Variants in ROBO2 observed in about 807,000 individuals in gnomAD.
The protein encoded by ROBO2 is roundabout guidance receptor 2.
ROBO2 carries 53 observed loss-of-function variants against 160.8 expected under a neutral mutation model. The observed-to-expected ratio is 0.33, with a 90% confidence interval of 0.26 to 0.41. ROBO2 has a LOEUF of 0.41. Ranked by LOEUF, ROBO2 falls within the 10% of genes least tolerant of loss-of-function variation. The pLI, the probability that ROBO2 is intolerant of heterozygous loss-of-function variation, is 1.00. For synonymous variants in ROBO2, 664 were observed against 611.7 expected (o/e 1.09, Z -1.26); for missense variants, 1,577 against 1,722.4 (o/e 0.92, Z 1.49).
rs769472335 is a variant in ROBO2, at chr3:77,048,770, T to C, written c.61+7924T>C. ...GTTACATTTGCACAATGAGTAGTTA[T>C]GCATATCAGAAAGGATAGCCTGAAT... On this transcript the variant is annotated intron_variant, in intron 1 of 25. Transcript: ENST00000461745. Among the ~76,000 whole-genome samples the C allele has an allele frequency of 1.6e-3, 237 of 152,356 alleles. 2 individuals are homozygous for C. Among genetic ancestry groups the C allele is most frequent in the Non-Finnish European group, 3.0e-3 (205 of 68,032 alleles).
intron 2 of ROBO2, among the ~76,000 whole-genome samples, chr3:76,807,712 G>A (rs962140665): frequency 6.6e-6 from 1 of 151,996 alleles, no homozygotes; most frequent in Non-Finnish European, 1.5e-5. Flanking sequence ...TATGCATAAT[G>A]TTTTAAAGTC....
chr3:77,634,463 T>G (rs7619707), intron 23 of ROBO2: 12,253 of 182,354 alleles, frequency 0.067, 642 homozygotes, highest in East Asian at 0.2. Flanking sequence ...TGAAATTTTA[T>G]TAAACAAATA....
At chr3:76,430,777 T>A (rs913695413) in intron 2 of ROBO2, among the ~76,000 whole-genome samples, 1 of 152,080 alleles carries the variant, frequency 6.6e-6, no homozygotes, top group Non-Finnish European at 1.5e-5. Context: ...AGATACTGCA[T>A]GCTTAGTAGT....
At chr3:77,441,691 T>C (rs962449803) in intron 2 of ROBO2, among the ~76,000 whole-genome samples, 1 of 152,168 alleles carries the variant, frequency 6.6e-6, no homozygotes, top group Non-Finnish European at 1.5e-5. Flanking sequence ...AGTTAGAAGA[T>C]AAATGTCTTT....
chr3:77,089,010 A>G (rs746997861), intron 1 of ROBO2, among the ~76,000 whole-genome samples: 55 of 152,284 alleles, frequency 3.6e-4, no homozygotes, highest in Non-Finnish European at 6.2e-4. Flanking sequence ...GTAGCAATTT[A>G]CTCTTCCACT....
intron 2 of ROBO2, among the ~76,000 whole-genome samples, chr3:76,978,547 C>T (rs577951180): frequency 1.3e-5 from 2 of 151,940 alleles, no homozygotes; most frequent in Admixed American, 6.6e-5. Context: ...AACTATATTG[C>T]TCAGAAAATC....
chr3:77,646,962 A>T (rs1263682757), exon 26 of ROBO2: 1 of 152,552 alleles, frequency 6.6e-6, no homozygotes, highest in African/African-American at 2.4e-5. Flanking sequence ...ACAGTTTTTT[A>T]AAAACATTTT....
At chr3:76,471,223 G>C (rs544081839) in intron 2 of ROBO2, among the ~76,000 whole-genome samples, 1 of 152,242 alleles carries the variant, frequency 6.6e-6, no homozygotes, top group East Asian at 1.9e-4. Context: ...AGTCATGGCA[G>C]GTAACAGGGC....
intron 2 of ROBO2, among the ~76,000 whole-genome samples, chr3:76,902,161 G>C (rs2075284412): frequency 6.6e-6 from 1 of 151,774 alleles, no homozygotes; most frequent in Non-Finnish European, 1.5e-5. Flanking sequence ...TACAATGGAG[G>C]TACCATAACA....
intron 2 of ROBO2, among the ~76,000 whole-genome samples, chr3:76,426,498 T>TA (rs924285397): frequency 6.6e-6 from 1 of 151,878 alleles, no homozygotes; most frequent in African/African-American, 2.4e-5. Flanking sequence ...CCACTGGGTC[T>TA]AAAAAAAATA....
At chr3:76,816,579 T>C (rs2065684360) in intron 2 of ROBO2, among the ~76,000 whole-genome samples, 1 of 151,994 alleles carries the variant, frequency 6.6e-6, no homozygotes, top group South Asian at 2.1e-4. Flanking sequence ...CAAGTATGTG[T>C]GGCTTGCTCT....
intron 2 of ROBO2, among the ~76,000 whole-genome samples, chr3:77,400,904 T>C (rs1243830654): frequency 6.6e-6 from 1 of 152,184 alleles, no homozygotes; most frequent in East Asian, 1.9e-4. Flanking sequence ...AAATTGATCT[T>C]GTTAATCCTA....
At chr3:76,819,566 G>A (rs1052569711) in intron 2 of ROBO2, among the ~76,000 whole-genome samples, 1 of 152,030 alleles carries the variant, frequency 6.6e-6, no homozygotes, top group African/African-American at 2.4e-5. Flanking sequence ...AAATAGCATG[G>A]TGGTGATCTC....
intron 2 of ROBO2, among the ~76,000 whole-genome samples, chr3:76,322,882 C>A (rs759624769): frequency 6.6e-6 from 1 of 152,066 alleles, no homozygotes; most frequent in Admixed American, 6.6e-5. Context: ...TAGCAGCTCA[C>A]GTTTGCTAAA....
chr3:77,370,151 AG>A (rs1414476581), intron 2 of ROBO2, among the ~76,000 whole-genome samples: 1 of 152,176 alleles, frequency 6.6e-6, no homozygotes, highest in Non-Finnish European at 1.5e-5. Context: ...AGGCACAAAA[AG>A]GGGAACGAAA....
intron 2 of ROBO2, among the ~76,000 whole-genome samples, chr3:76,375,985 A>G (rs959923818): frequency 2.0e-5 from 3 of 152,034 alleles, no homozygotes; most frequent in Admixed American, 6.6e-5. Flanking sequence ...GTTACTTTTC[A>G]TATTGCATTG....
intron 2 of ROBO2, among the ~76,000 whole-genome samples, chr3:77,154,718 C>T (rs1035189014): frequency 6.6e-6 from 1 of 152,010 alleles, no homozygotes; most frequent in Non-Finnish European, 1.5e-5. Context: ...TCTTCTGCAG[C>T]AACATGGATG....
intron 2 of ROBO2, among the ~76,000 whole-genome samples, chr3:76,456,012 T>C (rs1302150691): frequency 2.6e-5 from 4 of 152,182 alleles, no homozygotes; most frequent in African/African-American, 2.4e-5. Flanking sequence ...TTTGTGTTGA[T>C]AATAAGACAA....
At chr3:76,005,079 G>A (rs1046737768) in intron 2 of ROBO2, among the ~76,000 whole-genome samples, 13 of 152,312 alleles carry the variant, frequency 8.5e-5, no homozygotes, top group Admixed American at 7.2e-4. Flanking sequence ...GGCACAGAAA[G>A]AAGGTCCTCA....
Sources: allele counts gnomAD v4.1 joint callset (sites outside exome capture counted in the v4.1 genomes callset), GRCh38; gene constraint gnomAD v4.1.1; transcripts MANE v1.5; gene names NCBI Gene and HGNC (gene_info 2026-07-23, HGNC 2026-07-21).